The following ATXN1 variants were observed in gnomAD, a reference collection of about 807,000 sequenced individuals.
The protein encoded by ATXN1 is ataxin-1.
A neutral mutation model predicts 56.4 loss-of-function variants in ATXN1; 8 were observed. The ratio of observed to expected loss-of-function variants is 0.14; its 90% confidence interval spans 0.08 to 0.26. The LOEUF (loss-of-function observed/expected upper bound fraction) is 0.26, where lower values mean the gene tolerates loss of function less well. Ranked by LOEUF, ATXN1 falls within the 10% of genes least tolerant of loss-of-function variation. The pLI, the probability that ATXN1 is intolerant of heterozygous loss-of-function variation, is 1.00. For missense variants in ATXN1, 987 were observed against 1,106.5 expected (o/e 0.89, Z 1.53); for synonymous variants, 514 against 494.6 (o/e 1.04, Z -0.52).
intron 6 of ATXN1, among the ~76,000 whole-genome samples, chr6:16,363,314 T>A (rs990854128): frequency 1.3e-5 from 2 of 152,218 alleles, no homozygotes; most frequent in Admixed American, 1.3e-4. Flanking sequence ...GCTAAGTATG[T>A]GTTACATAAA....
chr6:16,416,958 G>C (rs1581747871), intron 6 of ATXN1, among the ~76,000 whole-genome samples: 1 of 152,296 alleles, frequency 6.6e-6, no homozygotes, highest in South Asian at 2.1e-4. Context: ...GTGAATAATG[G>C]AATAAATCCT....
At chr6:16,379,499 G>T (rs1295136879) in intron 6 of ATXN1, among the ~76,000 whole-genome samples, 1 of 152,184 alleles carries the variant, frequency 6.6e-6, no homozygotes. Flanking sequence ...ACTGAAGAAT[G>T]ACCTACTATC....
At chr6:16,408,081 C>A (rs1051723976) in intron 6 of ATXN1, among the ~76,000 whole-genome samples, 1 of 152,090 alleles carries the variant, frequency 6.6e-6, no homozygotes, top group Admixed American at 6.6e-5. Flanking sequence ...ACCAACCCAG[C>A]CCCTTGGGGA....
chr6:16,328,989 T>G lies in ATXN1; in HGVS notation c.-160-519A>C, dbSNP rs1382541019. Reference sequence around the variant, plus strand: ...CACTAGCCGTGGCAGCTGCACATTATAAAGGAAGATTATGAAGACACTGGG... The same window carrying G: ...CACTAGCCGTGGCAGCTGCACATTAGAAAGGAAGATTATGAAGACACTGGG... On this transcript the variant is annotated intron_variant, in intron 6 of 7. Coordinates refer to ENST00000436367, the MANE Select transcript of ATXN1 (RefSeq NM_001128164.2). The surrounding 1 kb of genome is among the most constrained non-coding windows in gnomAD (Gnocchi z 6.2). Among the ~76,000 whole-genome samples, 1 of 152,006 alleles carries G rather than the reference T, an allele frequency of 6.6e-6. No homozygotes were observed. The highest frequency in any genetic ancestry group is 1.5e-5 in the Non-Finnish European group (1 of 68,012).
intron 2 of ATXN1, among the ~76,000 whole-genome samples, chr6:16,689,826 GAAT>G (rs1431306712): frequency 6.6e-6 from 1 of 152,084 alleles, no homozygotes; most frequent in Non-Finnish European, 1.5e-5. Context: ...GGCTAAAAAT[GAAT>G]AATATTAATA....
intron 6 of ATXN1, among the ~76,000 whole-genome samples, chr6:16,466,168 AG>A (rs1215009015): frequency 1.3e-5 from 2 of 151,948 alleles, no homozygotes; most frequent in Non-Finnish European, 2.9e-5. Flanking sequence ...TACAAAAATT[AG>A]CTGGGCGCAG....
At chr6:16,477,412 A>C (rs1246576026) in intron 6 of ATXN1, among the ~76,000 whole-genome samples, 3 of 152,232 alleles carry the variant, frequency 2.0e-5, no homozygotes, top group African/African-American at 7.2e-5. Flanking sequence ...TTTAGTGCCA[A>C]TTCAATGTGG....
At chr6:16,646,611 C>A (rs144770926) in intron 3 of ATXN1, among the ~76,000 whole-genome samples, 1 of 152,260 alleles carries the variant, frequency 6.6e-6, no homozygotes, top group Non-Finnish European at 1.5e-5. Flanking sequence ...CTGCTCTGCA[C>A]TCTCCCTTCT....
intron 6 of ATXN1, among the ~76,000 whole-genome samples, chr6:16,429,499 C>A (rs1042656670): frequency 7.0e-6 from 1 of 143,746 alleles, no homozygotes; most frequent in Non-Finnish European, 1.5e-5. Flanking sequence ...CTGACTGCAA[C>A]CTCCGCCTCC....
intron 3 of ATXN1, among the ~76,000 whole-genome samples, chr6:16,620,464 C>T (rs1007615627): frequency 6.6e-6 from 1 of 151,644 alleles, no homozygotes; most frequent in African/African-American, 2.4e-5. Context: ...GGACAAATTT[C>T]TCTGTCTCTC....
intron 4 of ATXN1, among the ~76,000 whole-genome samples, chr6:16,540,845 C>G (rs1761701166): frequency 6.6e-6 from 1 of 152,130 alleles, no homozygotes; most frequent in Non-Finnish European, 1.5e-5. Context: ...GAAAGGTGTT[C>G]AATACCGTGT....
chr6:16,415,388 C>A (rs562121376), intron 6 of ATXN1, among the ~76,000 whole-genome samples: 1 of 152,238 alleles, frequency 6.6e-6, no homozygotes, highest in East Asian at 1.9e-4. Flanking sequence ...GCCACCATGC[C>A]CGGCTAATTT....
chr6:16,591,216 CA>C (rs770931158), intron 3 of ATXN1, among the ~76,000 whole-genome samples: 1 of 152,050 alleles, frequency 6.6e-6, no homozygotes, highest in Non-Finnish European at 1.5e-5. Context: ...CTAGGCCTCC[CA>C]AAGAACTGGG....
chr6:16,548,858 G>C (rs1330441588), intron 4 of ATXN1, among the ~76,000 whole-genome samples: 1 of 152,158 alleles, frequency 6.6e-6, no homozygotes, highest in African/African-American at 2.4e-5. Context: ...AGGAGGCAGA[G>C]GTTGCAGTGA....
At chr6:16,331,898 T>C (rs1761001070) in intron 6 of ATXN1, among the ~76,000 whole-genome samples, 1 of 152,242 alleles carries the variant, frequency 6.6e-6, no homozygotes, top group Non-Finnish European at 1.5e-5. Flanking sequence ...ACTGTTTATT[T>C]GAGAGACATC....
At chr6:16,398,419 G>A (rs1399305418) in intron 6 of ATXN1, among the ~76,000 whole-genome samples, 1 of 152,162 alleles carries the variant, frequency 6.6e-6, no homozygotes, top group African/African-American at 2.4e-5. Context: ...CGTGAATAAA[G>A]AATCCAAGTT....
intron 6 of ATXN1, among the ~76,000 whole-genome samples, chr6:16,388,802 G>A (rs1443486229): frequency 1.3e-5 from 2 of 152,106 alleles, no homozygotes; most frequent in Non-Finnish European, 2.9e-5. Context: ...AAGGGTCTCT[G>A]CATCCTACAG....
intron 6 of ATXN1, among the ~76,000 whole-genome samples, chr6:16,341,481 T>C (rs1306249931): frequency 6.6e-6 from 1 of 151,836 alleles, no homozygotes; most frequent in Non-Finnish European, 1.5e-5. Context: ...GATTCTAATT[T>C]GCAGCCAGAG....
chr6:16,576,731 C>T (rs1018952125), intron 4 of ATXN1, among the ~76,000 whole-genome samples: 5 of 152,154 alleles, frequency 3.3e-5, no homozygotes, highest in Admixed American at 3.3e-4. Flanking sequence ...TGTGTATCTG[C>T]CCAAATGTAC....
Sources: allele counts gnomAD v4.1 joint callset (sites outside exome capture counted in the v4.1 genomes callset), GRCh38; gene constraint gnomAD v4.1.1; non-coding constraint Gnocchi (gnomAD v3.1); transcripts MANE v1.5; gene names NCBI Gene and HGNC (gene_info 2026-07-23, HGNC 2026-07-21).